LAPTM4B: variants seen among roughly 807,000 people sequenced by gnomAD.
The protein encoded by LAPTM4B is lysosomal-associated transmembrane protein 4B.
A neutral mutation model predicts 28.5 loss-of-function variants in LAPTM4B; 26 were observed. That is an observed-to-expected ratio of 0.91 (90% confidence interval 0.67 to 1.27). LAPTM4B has a LOEUF of 1.27. LAPTM4B is among the 50% of genes most tolerant of loss of function. LAPTM4B has a pLI of 0.00. For synonymous variants in LAPTM4B, 109 were observed against 106.4 expected (o/e 1.02, Z -0.15); for missense variants, 288 against 285.8 (o/e 1.01, Z -0.06).
chr8:97,806,591 A>T (rs980721336), intron 2 of LAPTM4B, among the ~76,000 whole-genome samples: 2 of 152,160 alleles, frequency 1.3e-5, no homozygotes, highest in African/African-American at 4.8e-5. Context: ...GTCCCCACCC[A>T]AATCTCGAAT....
chr8:97,784,686 C>T (rs1376485420), intron 1 of LAPTM4B, among the ~76,000 whole-genome samples: 3 of 152,180 alleles, frequency 2.0e-5, no homozygotes, highest in Non-Finnish European at 4.4e-5. Context: ...GATCTGCCCA[C>T]CTCAGCCTCC....
At chr8:97,791,629 G>A (rs1357409655) in intron 1 of LAPTM4B, among the ~76,000 whole-genome samples, 1 of 152,190 alleles carries the variant, frequency 6.6e-6, no homozygotes, top group Admixed American at 6.5e-5. Context: ...TGAGCTTGCT[G>A]CCAGGGATTG....
intron 6 of LAPTM4B, among the ~76,000 whole-genome samples, chr8:97,825,668 A>G (rs1049502750): frequency 1.3e-5 from 2 of 152,244 alleles, no homozygotes; most frequent in African/African-American, 4.8e-5. Context: ...ATACTTTAAA[A>G]TTGCAAACCT....
chr8:97,843,172 C>T (rs191023956), intron 6 of LAPTM4B, among the ~76,000 whole-genome samples: 90 of 152,344 alleles, frequency 5.9e-4, no homozygotes, highest in African/African-American at 1.6e-3. Flanking sequence ...TGAGCCACCG[C>T]GCCCGCCCTT....
rs191891209 is a variant in LAPTM4B, at chr8:97,780,622, A to G, written c.99+4514A>G. Reference sequence around the variant, plus strand: ...CTTTGCATAAGGTTAATTTTTACATATTCCTGGTGAGGTAGATTTTCTTAT... The same window carrying G: ...CTTTGCATAAGGTTAATTTTTACATGTTCCTGGTGAGGTAGATTTTCTTAT... On this transcript the variant is annotated intron_variant, in intron 1 of 6. Coordinates refer to ENST00000521545, the MANE Select transcript of LAPTM4B (RefSeq NM_018407.6). Among the ~76,000 whole-genome samples, 367 of 152,252 alleles carry G rather than the reference A, an allele frequency of 2.4e-3. 1 individual carries two copies. Among genetic ancestry groups the G allele is most frequent in the African/African-American group, 7.3e-3 (304 of 41,560 alleles).
At chr8:97,836,484 A>C (rs1817261139) in intron 6 of LAPTM4B, among the ~76,000 whole-genome samples, 2 of 152,138 alleles carry the variant, frequency 1.3e-5, no homozygotes, top group South Asian at 2.1e-4. Flanking sequence ...CCCGGCCATA[A>C]ATTAAGGTTT....
At chr8:97,840,210 T>A (rs919472451) in intron 6 of LAPTM4B, among the ~76,000 whole-genome samples, 4 of 152,250 alleles carry the variant, frequency 2.6e-5, no homozygotes, top group African/African-American at 9.6e-5. Context: ...TTAACTATTA[T>A]ACTTCAGTGT....
chr8:97,818,417 T>G (rs985683190), intron 4 of LAPTM4B, among the ~76,000 whole-genome samples: 4 of 152,148 alleles, frequency 2.6e-5, no homozygotes, highest in Non-Finnish European at 5.9e-5. Context: ...CCTAGGCCAG[T>G]GATGTAGGCG....
At chr8:97,832,504 C>T (rs552299122) in intron 6 of LAPTM4B, among the ~76,000 whole-genome samples, 32 of 152,216 alleles carry the variant, frequency 2.1e-4, no homozygotes, top group Admixed American at 1.6e-3. Context: ...TATTTTCCCA[C>T]AGTTCCCAAT....
rs541673619 is a variant in LAPTM4B at position 97,842,707 on chromosome 8, C to T, written c.604-8690C>T. On this transcript the variant is annotated intron_variant, in intron 6 of 6. Transcript: ENST00000521545. ...CTAATTTTTGTATTTTTAGTAGAGA[C>T]GGAGTTTCACCATATTGGCCAGGCT... 6.3e-4 allele frequency among the ~76,000 whole-genome samples: 95 copies of T among 151,654 alleles called. No individual in the cohort carries two copies. In the Middle Eastern group the frequency reaches 0.014, roughly 22 times the overall value.
intron 1 of LAPTM4B, among the ~76,000 whole-genome samples, chr8:97,777,703 C>T (rs764537830): frequency 4.6e-5 from 7 of 152,114 alleles, no homozygotes; most frequent in Non-Finnish European, 1.0e-4. Flanking sequence ...AGATATTTAG[C>T]GTGTGTGGGT....
chr8:97,788,713 G>C (rs1016059030), intron 1 of LAPTM4B, among the ~76,000 whole-genome samples: 16 of 120,958 alleles, frequency 1.3e-4, no homozygotes, highest in African/African-American at 4.8e-4. Flanking sequence ...TTTTTTTTTT[G>C]AGATGAAGTC....
At chr8:97,829,843 C>T (rs1025567961) in intron 6 of LAPTM4B, among the ~76,000 whole-genome samples, 9 of 151,954 alleles carry the variant, frequency 5.9e-5, no homozygotes, top group African/African-American at 9.7e-5. Flanking sequence ...ATTATAGGCA[C>T]GCACCACCAT....
At chr8:97,850,307 G>A (rs1177454928) in intron 6 of LAPTM4B, among the ~76,000 whole-genome samples, 2 of 151,740 alleles carry the variant, frequency 1.3e-5, no homozygotes, top group African/African-American at 2.4e-5. Flanking sequence ...TTCGGGGGCC[G>A]GCCTAAGTGG....
chr8:97,812,942 C>T (rs1816851988), intron 2 of LAPTM4B, among the ~76,000 whole-genome samples: 1 of 152,222 alleles, frequency 6.6e-6, no homozygotes, highest in Non-Finnish European at 1.5e-5. Flanking sequence ...CTTGATGTTC[C>T]ACCTAACCAA....
At chr8:97,821,772 G>A (rs1314614457) in intron 5 of LAPTM4B, among the ~76,000 whole-genome samples, 2 of 152,066 alleles carry the variant, frequency 1.3e-5, no homozygotes, top group Non-Finnish European at 2.9e-5. Context: ...ATTGTAGTGC[G>A]GCAGGGCAGC....
At position 97,843,780 on chromosome 8, in the gene LAPTM4B, C is replaced by CAAGTAAAT. The variant is rs1387533382; in HGVS notation, c.604-7615_604-7614insGTAAATAA. Reference sequence around the variant, plus strand: ...GGGCAACAAGAGCGAAACTCCATCTCAAATAAATAAATAAATAAATAAATA... The same window carrying CAAGTAAAT: ...GGGCAACAAGAGCGAAACTCCATCTCAAGTAAATAAATAAATAAATAAATAAATAAATA... On this transcript the variant is annotated intron_variant, in intron 6 of 6. Transcript: ENST00000521545. Among the ~76,000 whole-genome samples the CAAGTAAAT allele has an allele frequency of 2.3e-4, 35 of 149,006 alleles. No homozygotes were observed. The East Asian group carries it at 6.8e-3, about 29-fold the overall frequency.
At chr8:97,793,969 A>AGC (rs374708763) in intron 1 of LAPTM4B, among the ~76,000 whole-genome samples, 66 of 151,980 alleles carry the variant, frequency 4.3e-4, no homozygotes, top group African/African-American at 1.6e-3. Flanking sequence ...CACCAAACCC[A>AGC]GCTAATTGTT....
chr8:97,801,179 CTTTT>C (rs11312833), intron 1 of LAPTM4B, among the ~76,000 whole-genome samples: 1 of 132,790 alleles, frequency 7.5e-6, no homozygotes. Flanking sequence ...GTTCTTCATA[CTTTT>C]TTTTTTTTTT....
Sources: allele counts gnomAD v4.1 joint callset (sites outside exome capture counted in the v4.1 genomes callset), GRCh38; gene constraint gnomAD v4.1.1; transcripts MANE v1.5; gene names NCBI Gene and HGNC (gene_info 2026-07-23, HGNC 2026-07-21).